The following BDH1 variants were observed in gnomAD, a reference collection of about 807,000 sequenced individuals.
BDH1 encodes 3-hydroxybutyrate dehydrogenase 1, also known as D-beta-hydroxybutyrate dehydrogenase, mitochondrial.
Under a neutral mutation model 33.1 loss-of-function variants are expected in BDH1, and 30 were observed. That is an observed-to-expected ratio of 0.91 (90% CI 0.68 to 1.23). The LOEUF is 1.23. BDH1 is among the 50% of genes most tolerant of loss of function. The pLI, the probability that BDH1 is intolerant of heterozygous loss-of-function variation, is 0.00. For missense variants in BDH1, 443 were observed against 464.4 expected, an observed-to-expected ratio of 0.95 and a Z score of 0.42; for synonymous variants, 190 against 183.6, an observed-to-expected ratio of 1.03 and a Z score of -0.28.
Position 197,522,961 on chromosome 3 carries a change from C to T in BDH1, c.268-180G>A. The T allele has an allele frequency of 3.2e-6, 2 of 631,810 alleles. No individual in the cohort carries two copies. The highest frequency in any genetic ancestry group is 4.2e-5 in the South Asian group (2 of 47,380). 39.1% of individuals were successfully genotyped at this position (631,810 alleles called of 1,614,324 possible). A position where few individuals can be genotyped will look rare whatever the true frequency, so the allele number is the denominator to read the frequency against. On this transcript the variant is annotated intron_variant, in intron 5 of 7. Coordinates refer to ENST00000392379, the MANE Select transcript of BDH1 (RefSeq NM_203314.3). This position sits in a 1 kb window ranked among gnomAD's most constrained non-coding sequence, Gnocchi z 4.8. ...TCTTTTTAATCCTGAGCACTGATGA[C>T]CTATCAAGCATCAAGCTATGTGCCA...
At chr3:197,537,036 T>G (rs1715218559) in intron 3 of BDH1, among the ~76,000 whole-genome samples, 1 of 152,226 alleles carries the variant, frequency 6.6e-6, no homozygotes, top group Non-Finnish European at 1.5e-5. Context: ...TTGCCTAGGC[T>G]GGAGTGCGGT....
chr3:197,534,742 T>C (rs1714998348), intron 3 of BDH1, among the ~76,000 whole-genome samples: 1 of 152,220 alleles, frequency 6.6e-6, no homozygotes, highest in Admixed American at 6.5e-5. Flanking sequence ...CGGCATTTGG[T>C]GGTGTCACTA....
intron 1 of BDH1, among the ~76,000 whole-genome samples, chr3:197,567,276 A>G (rs563669608): frequency 6.6e-6 from 1 of 152,344 alleles, no homozygotes; most frequent in South Asian, 2.1e-4. Flanking sequence ...AGGAAGATAA[A>G]TCTTGGGGTC....
intron 1 of BDH1, chr3:197,555,540 T>C (rs1716949098): frequency 6.6e-6 from 1 of 152,268 alleles, no homozygotes; most frequent in African/African-American, 2.4e-5. Flanking sequence ...AAATGCCAGA[T>C]CATGCTGCTG....
intron 6 of BDH1, among the ~76,000 whole-genome samples, chr3:197,518,367 A>AC (rs57814529): frequency 0.034 from 34 of 1,010 alleles, 3 homozygotes; most frequent in African/African-American, 0.19. Context: ...CCTCAGGCCG[A>AC]CCCCCCCCAT....
chr3:197,549,233 T>C (rs759673358), intron 2 of BDH1, among the ~76,000 whole-genome samples: 2 of 152,196 alleles, frequency 1.3e-5, no homozygotes, highest in Non-Finnish European at 2.9e-5. Context: ...AAAATCACGA[T>C]GCTCACATAT....
At chr3:197,548,733 C>A (rs1237487238) in intron 2 of BDH1, among the ~76,000 whole-genome samples, 8 of 152,108 alleles carry the variant, frequency 5.3e-5, no homozygotes, top group Non-Finnish European at 1.2e-4. Context: ...CGCCCACAGT[C>A]CCAGCTACTC....
Position 197,510,645 on chromosome 3 carries a change from T to A in BDH1, c.*1250A>T, listed in dbSNP as rs1467294502. On this transcript the variant is annotated 3_prime_UTR_variant, in exon 8 of 8. Transcript: ENST00000392379. ...GTGTGTGTGTGTGTGTGTGTGTGTG[T>A]GTGTGTGTGTGTGTGTGTGTGTGTG... The A allele has an allele frequency of 7.0e-5, 4 of 57,544 alleles. No homozygotes were observed. In the East Asian group the frequency reaches 1.1e-3, roughly 16 times the overall value. The allele number at this position is 57,544 out of a possible 1,614,324, so 3.6% of individuals were successfully genotyped here.
At chr3:197,541,907 T>C (rs1715659987) in intron 3 of BDH1, among the ~76,000 whole-genome samples, 1 of 152,220 alleles carries the variant, frequency 6.6e-6, no homozygotes, top group African/African-American at 2.4e-5. Flanking sequence ...CCAGCTGAGC[T>C]GTGACAGACA....
At chr3:197,515,102 C>T (rs1401073145) in intron 6 of BDH1, among the ~76,000 whole-genome samples, 3 of 152,214 alleles carry the variant, frequency 2.0e-5, no homozygotes, top group East Asian at 1.9e-4. Flanking sequence ...GGGAACTCGG[C>T]GCTGCTTTAT....
intron 4 of BDH1, among the ~76,000 whole-genome samples, chr3:197,532,768 T>G (rs1714788945): frequency 6.6e-6 from 1 of 152,256 alleles, no homozygotes; most frequent in East Asian, 1.9e-4. Flanking sequence ...GGATCTCATC[T>G]ACAATCCCCC....
rs1340315196 is a variant in BDH1 at position 197,526,224 on chromosome 3, A to T, written c.268-3443T>A. Among the ~76,000 whole-genome samples, 1 of 151,982 alleles carries T rather than the reference A, an allele frequency of 6.6e-6. No individual in the cohort carries two copies. Among genetic ancestry groups the T allele is most frequent in the Non-Finnish European group, 1.5e-5 (1 of 67,990 alleles). Reference sequence around the variant, plus strand: ...CTGGTTTGAGAACCCAAACTCCCAAACTTGTATGCGAGGTAAAGCTTTCCC... The same window carrying T: ...CTGGTTTGAGAACCCAAACTCCCAATCTTGTATGCGAGGTAAAGCTTTCCC... On this transcript the variant is annotated intron_variant, in intron 5 of 7. Transcript: ENST00000392379. This position sits in a 1 kb window ranked among gnomAD's most constrained non-coding sequence, Gnocchi z 4.7.
chr3:197,543,394 G>GAGCAA (rs1423218984), intron 3 of BDH1, among the ~76,000 whole-genome samples: 2 of 152,230 alleles, frequency 1.3e-5, no homozygotes, highest in African/African-American at 4.8e-5. Flanking sequence ...GCCACCCTGG[G>GAGCAA]AGCACTATGT....
In BDH1 at chr3:197,533,557, G is replaced by A. The variant is rs1269954045; in HGVS notation, c.88C>T (p.Pro30Ser). The A allele has an allele frequency of 6.2e-7, 1 of 1,614,202 alleles. No homozygotes were observed. The stretch of plus-strand genomic sequence containing the variant: ...AAGGAAGTAGAACCAAGCAATAGTG[G>A]GCGTCTGCAAGAGAAAAGGAAGCCG... ...ACDRENGARR[P>S]LLLGSTSFIP... Residue 30 changes from proline to serine, a missense_variant, in exon 4 of 8, where the codon CCA (proline) becomes TCA (serine). Transcript: ENST00000392379.
At position 197,528,931 on chromosome 3, in the gene BDH1, G is replaced by A. The variant is rs1714388099; in HGVS notation, c.267+3481C>T. 6.6e-6 allele frequency: 1 copy of A among 152,292 alleles called. No homozygotes were observed. Among genetic ancestry groups the A allele is most frequent in the Non-Finnish European group, 1.5e-5 (1 of 68,082 alleles). The allele number at this position is 152,292 out of a possible 1,614,324, so 9.4% of individuals were successfully genotyped here. ...GCCCTGTGCTGTGGAATCTGACTGTGGCTCCCTGTGTCACTGGATAAGCCA... is the reference window on the plus strand; with the variant it reads ...GCCCTGTGCTGTGGAATCTGACTGTAGCTCCCTGTGTCACTGGATAAGCCA... On this transcript the variant is annotated intron_variant, in intron 5 of 7. Transcript: ENST00000392379. This position sits in a 1 kb window ranked among gnomAD's most constrained non-coding sequence, Gnocchi z 5.1.
intron 3 of BDH1, among the ~76,000 whole-genome samples, chr3:197,535,917 C>T (rs1039164206): frequency 2.0e-5 from 3 of 151,998 alleles, no homozygotes; most frequent in Non-Finnish European, 2.9e-5. Context: ...TGGTGGCTCA[C>T]GCCTTTAAGT....
In BDH1 at chr3:197,541,488, G is replaced by A. The variant is rs545546583; in HGVS notation, c.83+4873C>T. On this transcript the variant is annotated intron_variant, in intron 3 of 7. Coordinates refer to ENST00000392379, the MANE Select transcript of BDH1 (RefSeq NM_203314.3). ...AAATACCATGTCCAGGAATTGCTTC[G>A]AAAATTAATCTGGTATGGGGAGGGG... Among the ~76,000 whole-genome samples, 19 of 147,284 alleles carry A rather than the reference G, an allele frequency of 1.3e-4. No individual in the cohort carries two copies. In the East Asian group the frequency reaches 1.7e-3, roughly 14 times the overall value.
chr3:197,538,262 T>C (rs1715316192), intron 3 of BDH1: 1 of 456,644 alleles, frequency 2.2e-6, no homozygotes, highest in African/African-American at 2.0e-5. Flanking sequence ...TAGGGGTGAA[T>C]GAGCAGGTGG....
chr3:197,533,385 G>A (rs1714871370), intron 4 of BDH1, 104 bp downstream of exon 4: 4 of 1,221,794 alleles, frequency 3.3e-6, no homozygotes, highest in Non-Finnish European at 3.6e-6. Flanking sequence ...CCAGTGTCCT[G>A]GAAACACTAA....
Sources: gnomAD v4.1 joint callset for allele counts (sites outside exome capture counted in the v4.1 genomes callset) on GRCh38, gnomAD v4.1.1 for gene constraint, Gnocchi (gnomAD v3.1) non-coding constraint, MANE v1.5 for transcripts, NCBI Gene and HGNC (gene_info 2026-07-23, HGNC 2026-07-21) for gene names.